The following ALG6 variants were observed in gnomAD, a reference collection of about 807,000 sequenced individuals.
ALG6 encodes the protein dolichyl pyrophosphate Man9GlcNAc2 alpha-1,3-glucosyltransferase.
A neutral mutation model predicts 66.6 loss-of-function variants in ALG6; 46 were observed. The ratio of observed to expected loss-of-function variants is 0.69; its 90% CI spans 0.55 to 0.88. The LOEUF (loss-of-function observed/expected upper bound fraction) is 0.88. ALG6 is among the 40% of genes least tolerant of loss of function. The pLI is 0.00. For synonymous variants in ALG6, 185 were observed against 203.7 expected (o/e 0.91, Z 0.78); for missense variants, 505 against 586.8 (o/e 0.86, Z 1.44).
chr1:63,374,254 C>T (rs1648039798), intron 2 of ALG6, among the ~76,000 whole-genome samples: 1 of 152,196 alleles, frequency 6.6e-6, no homozygotes, highest in Non-Finnish European at 1.5e-5. Context: ...TTAGCTCTTT[C>T]ACCTGTTAGT....
At chr1:63,389,903 G>A (rs1219521940) in intron 2 of ALG6, among the ~76,000 whole-genome samples, 3 of 152,192 alleles carry the variant, frequency 2.0e-5, no homozygotes, top group Non-Finnish European at 4.4e-5. Context: ...AAAGACTCTT[G>A]TTCTTTTCCC....
intron 7 of ALG6, among the ~76,000 whole-genome samples, chr1:63,409,016 G>A (rs1221672686): frequency 6.6e-6 from 1 of 152,188 alleles, no homozygotes; most frequent in African/African-American, 2.4e-5. Flanking sequence ...CTGACCTCAA[G>A]TGATCCACCC....
Position 63,411,458 on chromosome 1 carries a change from G to A in ALG6, c.680+127G>A, listed in dbSNP as rs190425994. On this transcript the variant is annotated intron_variant, in intron 8 of 14. Coordinates refer to ENST00000263440, the MANE Select transcript of ALG6 (RefSeq NM_013339.4). Reference sequence around the variant, plus strand: ...TTTCTTATAAATATTTTGGCTGTAGGGTATGTGGGAAGAGAGAGATTAAGT... The same window carrying A: ...TTTCTTATAAATATTTTGGCTGTAGAGTATGTGGGAAGAGAGAGATTAAGT... 185 of 868,852 alleles carry A rather than the reference G, an allele frequency of 2.1e-4. 1 individual carries two copies. In the East Asian group the frequency reaches 4.7e-3, roughly 22 times the overall value. The allele number at this position is 868,852 out of a possible 1,614,324, so 53.8% of individuals were successfully genotyped here.
chr1:63,425,750 T>C (rs1644611926), intron 12 of ALG6, among the ~76,000 whole-genome samples: 1 of 152,110 alleles, frequency 6.6e-6, no homozygotes, highest in South Asian at 2.1e-4. Flanking sequence ...TTTTGTCTGG[T>C]GAGGATAACT....
chr1:63,374,456 C>G lies in ALG6; in HGVS notation c.82+3397C>G, dbSNP rs146494573. On this transcript the variant is annotated intron_variant, in intron 2 of 14. Transcript: ENST00000263440. ...CAGCGTGGCCAACACAGTGAAACCC[C>G]GTCTCTACTAAAAATACAAAAATTA... Among the ~76,000 whole-genome samples, 556 of 152,118 alleles carry G rather than the reference C, an allele frequency of 3.7e-3. 1 individual carries two copies. Among genetic ancestry groups the G allele is most frequent in the Non-Finnish European group, 6.4e-3 (434 of 67,994 alleles).
At chr1:63,417,181 C>T (rs1644549869) in intron 11 of ALG6, among the ~76,000 whole-genome samples, 1 of 152,104 alleles carries the variant, frequency 6.6e-6, no homozygotes, top group Admixed American at 6.5e-5. Flanking sequence ...TGGTGTAATG[C>T]TCTGATGTCT....
intron 2 of ALG6, among the ~76,000 whole-genome samples, chr1:63,372,197 G>A (rs1334806550): frequency 2.6e-5 from 4 of 152,146 alleles, no homozygotes; most frequent in African/African-American, 9.7e-5. Context: ...CAAAAAGGAT[G>A]AGGAGAGAGT....
At chr1:63,381,402 T>C (rs1351689943) in intron 2 of ALG6, among the ~76,000 whole-genome samples, 2 of 152,118 alleles carry the variant, frequency 1.3e-5, no homozygotes, top group South Asian at 2.1e-4. Context: ...TGCAGTGAGC[T>C]GAGATCTCAC....
In ALG6 at chr1:63,372,344, A is replaced by G. The variant is rs138677427; in HGVS notation, c.82+1285A>G. ...AGACAATAATATTAATAGTTGTAAG[A>G]GCTATGATATATACACAGACACATA... On this transcript the variant is annotated intron_variant, in intron 2 of 14. Transcript: ENST00000263440. 2.9e-3 allele frequency among the ~76,000 whole-genome samples: 448 copies of G among 152,266 alleles called. 2 individuals carry two copies. The highest frequency in any genetic ancestry group is 9.5e-3 in the African/African-American group (397 of 41,572).
intron 4 of ALG6, 32 bp downstream of exon 4, chr1:63,402,375 T>C (rs754231995): frequency 6.8e-7 from 1 of 1,459,880 alleles, no homozygotes; most frequent in Non-Finnish European, 9.6e-7. Flanking sequence ...TAACTCTAAA[T>C]TTTTATGCCC....
At chr1:63,379,583 A>G (rs1648237479) in intron 2 of ALG6, among the ~76,000 whole-genome samples, 1 of 152,090 alleles carries the variant, frequency 6.6e-6, no homozygotes, top group Non-Finnish European at 1.5e-5. Flanking sequence ...ACCACCAGAG[A>G]TCATTGGATA....
intron 14 of ALG6, among the ~76,000 whole-genome samples, chr1:63,431,620 G>A (rs148206846): frequency 3.2e-4 from 48 of 152,178 alleles, no homozygotes; most frequent in East Asian, 2.5e-3. Flanking sequence ...GAATATTGCC[G>A]TCTTAATATT....
intron 14 of ALG6, among the ~76,000 whole-genome samples, chr1:63,430,801 T>C (rs1258149177): frequency 6.6e-6 from 1 of 152,168 alleles, no homozygotes; most frequent in African/African-American, 2.4e-5. Context: ...CCTTACCAGA[T>C]ATTTAACTTG....
intron 2 of ALG6, among the ~76,000 whole-genome samples, chr1:63,372,077 CA>C (rs1647944973): frequency 6.6e-6 from 1 of 152,042 alleles, no homozygotes; most frequent in African/African-American, 2.4e-5. Context: ...ATTTTCTAGG[CA>C]AATGAAGTGG....
intron 3 of ALG6, among the ~76,000 whole-genome samples, chr1:63,401,476 G>A (rs1557588272): frequency 1.3e-5 from 2 of 151,958 alleles, no homozygotes; most frequent in Non-Finnish European, 2.9e-5. Flanking sequence ...GACCAGCCTG[G>A]CCAACATGGT....
chr1:63,428,030 G>A (rs1278569886), intron 12 of ALG6, among the ~76,000 whole-genome samples: 1 of 151,822 alleles, frequency 6.6e-6, no homozygotes. Context: ...GGCTGGTCTC[G>A]AACTCCTGAC....
chr1:63,380,576 ATAT>A (rs1359939856), intron 2 of ALG6, among the ~76,000 whole-genome samples: 1 of 152,148 alleles, frequency 6.6e-6, no homozygotes, highest in Non-Finnish European at 1.5e-5. Flanking sequence ...TGTGACACAT[ATAT>A]TATTTTCTCG....
chr1:63,394,382 T>C (rs1454039655), intron 2 of ALG6, among the ~76,000 whole-genome samples: 1 of 152,116 alleles, frequency 6.6e-6, no homozygotes, highest in Non-Finnish European at 1.5e-5. Flanking sequence ...TTTTTTTTCT[T>C]TCTTTCTTTT....
intron 3 of ALG6, among the ~76,000 whole-genome samples, chr1:63,399,610 GATGT>G (rs1424354574): frequency 6.6e-6 from 1 of 152,056 alleles, no homozygotes; most frequent in African/African-American, 2.4e-5. Context: ...TCTACATTTT[GATGT>G]ATGTAAGTTA....
Sources: gnomAD v4.1 joint callset for allele counts (sites outside exome capture counted in the v4.1 genomes callset) on GRCh38, gnomAD v4.1.1 for gene constraint, MANE v1.5 for transcripts, NCBI Gene and HGNC (gene_info 2026-07-23, HGNC 2026-07-21) for gene names.